CSMD1: variants seen among roughly 807,000 people sequenced by gnomAD.
The protein encoded by CSMD1 is CUB and sushi domain-containing protein 1.
In CSMD1, 213 loss-of-function variants were observed where a neutral mutation model predicts 417.5. The observed-to-expected ratio is 0.51, with a 90% CI of 0.46 to 0.57. The LOEUF is 0.57. Ranked by LOEUF, CSMD1 falls within the 20% of genes least tolerant of loss-of-function variation. The pLI is 0.00. For synonymous variants in CSMD1, 2,862 were observed against 1,736.8 expected (o/e 1.65, Z -16.11); for missense variants, 6,923 against 4,529.7 (o/e 1.53, Z -15.17).
At chr8:4,498,941 A>G (rs1054869237) in intron 2 of CSMD1, among the ~76,000 whole-genome samples, 8 of 152,220 alleles carry the variant, frequency 5.3e-5, no homozygotes, top group African/African-American at 1.9e-4. Flanking sequence ...ACACATGGCC[A>G]GTGGTTCTAT....
At chr8:4,574,508 G>C (rs1380290203) in intron 2 of CSMD1, among the ~76,000 whole-genome samples, 1 of 152,156 alleles carries the variant, frequency 6.6e-6, no homozygotes, top group African/African-American at 2.4e-5. Flanking sequence ...GGGAAATGCA[G>C]AAATCACCCG....
intron 11 of CSMD1, among the ~76,000 whole-genome samples, chr8:3,476,111 G>C (rs528803682): frequency 2.6e-5 from 4 of 152,302 alleles, no homozygotes; most frequent in South Asian, 4.1e-4. Flanking sequence ...CGGAGGCTGA[G>C]GTGGGAAGAC....
At chr8:4,456,514 G>A (rs1427088420) in intron 2 of CSMD1, among the ~76,000 whole-genome samples, 2 of 152,264 alleles carry the variant, frequency 1.3e-5, no homozygotes, top group Non-Finnish European at 2.9e-5. Context: ...CTAAGTAAAT[G>A]TTTATAGTGT....
chr8:4,749,492 G>C (rs914510975), intron 1 of CSMD1, among the ~76,000 whole-genome samples: 3 of 152,166 alleles, frequency 2.0e-5, no homozygotes, highest in Non-Finnish European at 4.4e-5. Context: ...AGAACCATTA[G>C]TGATGACTTG....
intron 5 of CSMD1, among the ~76,000 whole-genome samples, chr8:3,826,213 C>T (rs542254943): frequency 2.0e-5 from 3 of 152,212 alleles, no homozygotes; most frequent in African/African-American, 7.2e-5. Flanking sequence ...TGGAGCTGGA[C>T]ACAGTTGCTA....
intron 30 of CSMD1, among the ~76,000 whole-genome samples, chr8:3,209,402 C>A (rs569497918): frequency 6.6e-6 from 1 of 152,096 alleles, no homozygotes; most frequent in African/African-American, 2.4e-5. Flanking sequence ...CTGCAAGTTC[C>A]ATCTCCCGGG....
At chr8:3,968,667 C>G (rs565444022) in intron 5 of CSMD1, among the ~76,000 whole-genome samples, 4 of 152,082 alleles carry the variant, frequency 2.6e-5, no homozygotes, top group Non-Finnish European at 5.9e-5. Flanking sequence ...ATCCCGAAAG[C>G]TGATAGTGTT....
At chr8:3,619,497 A>G (rs902603586) in intron 7 of CSMD1, among the ~76,000 whole-genome samples, 5 of 152,230 alleles carry the variant, frequency 3.3e-5, no homozygotes, top group African/African-American at 1.2e-4. Context: ...CAGACTTGCT[A>G]GACAATGAAT....
chr8:4,311,019 G>A (rs1483235858), intron 3 of CSMD1, among the ~76,000 whole-genome samples: 3 of 152,206 alleles, frequency 2.0e-5, no homozygotes, highest in Admixed American at 2.0e-4. Context: ...GCAAGGATGT[G>A]GAGAAAAGGG....
chr8:4,402,648 C>T (rs1804719760), intron 3 of CSMD1, among the ~76,000 whole-genome samples: 1 of 152,162 alleles, frequency 6.6e-6, no homozygotes, highest in African/African-American at 2.4e-5. Context: ...TCCCTCATCA[C>T]ATTTTCATTA....
chr8:3,136,367 C>T (rs951332066), intron 41 of CSMD1, among the ~76,000 whole-genome samples: 2 of 151,384 alleles, frequency 1.3e-5, no homozygotes, highest in Non-Finnish European at 2.9e-5. Flanking sequence ...CAGGTTCAAG[C>T]GATTCTCCTG....
intron 1 of CSMD1, among the ~76,000 whole-genome samples, chr8:4,784,858 C>T (rs921501968): frequency 1.8e-4 from 28 of 152,132 alleles, no homozygotes; most frequent in African/African-American, 6.8e-4. Flanking sequence ...TCCATTAAAA[C>T]TAAATTTGCT....
At chr8:4,665,879 C>G (rs2724963) in intron 1 of CSMD1, among the ~76,000 whole-genome samples, 100,611 of 152,040 alleles carry the variant, frequency 0.66, 34,210 homozygotes, top group African/African-American at 0.81. Context: ...CCTAGGAAGA[C>G]CTTGCAGGAT....
chr8:3,970,919 T>G (rs184811685), intron 5 of CSMD1, among the ~76,000 whole-genome samples: 1 of 152,100 alleles, frequency 6.6e-6, no homozygotes, highest in East Asian at 1.9e-4. Context: ...GCTCCGCTAA[T>G]TTTGTATTTT....
chr8:3,250,934 T>C (rs1474485769), intron 26 of CSMD1, among the ~76,000 whole-genome samples: 2 of 152,220 alleles, frequency 1.3e-5, no homozygotes, highest in African/African-American at 4.8e-5. Flanking sequence ...TGTAAATTTG[T>C]TTGAGTTCAT....
At chr8:4,923,779 T>C (rs1390237939) in intron 1 of CSMD1, among the ~76,000 whole-genome samples, 5 of 152,106 alleles carry the variant, frequency 3.3e-5, no homozygotes, top group Admixed American at 2.0e-4. Context: ...ATCTCCAAGA[T>C]TCAGTGTCCC....
At chr8:3,289,216 C>T (rs1803373795) in intron 25 of CSMD1, among the ~76,000 whole-genome samples, 1 of 147,374 alleles carries the variant, frequency 6.8e-6, no homozygotes, top group South Asian at 2.1e-4. Context: ...TTTCTTAATC[C>T]AGTCTATCGT....
At chr8:3,640,015 T>C (rs13275972) in intron 7 of CSMD1, among the ~76,000 whole-genome samples, 3 of 151,648 alleles carry the variant, frequency 2.0e-5, no homozygotes, top group African/African-American at 7.3e-5. Flanking sequence ...GCTCAATAAA[T>C]GTTTGTCGGA....
chr8:3,929,566 G>A (rs1354777452), intron 5 of CSMD1, among the ~76,000 whole-genome samples: 1 of 150,512 alleles, frequency 6.6e-6, no homozygotes, highest in East Asian at 1.9e-4. Context: ...CTGATGGAAT[G>A]ATTTCATGTT....
Sources: allele counts gnomAD v4.1 joint callset (sites outside exome capture counted in the v4.1 genomes callset), GRCh38; gene constraint gnomAD v4.1.1; transcripts MANE v1.5; gene names NCBI Gene and HGNC (gene_info 2026-07-23, HGNC 2026-07-21).